ZNF469: variants seen among roughly 807,000 people sequenced by gnomAD.
ZNF469 encodes zinc finger protein 469.
A neutral mutation model predicts 1.0 loss-of-function variants in ZNF469; 1 was observed. The observed-to-expected ratio is 1.00, with a 90% CI of 0.35 to 4.73. The LOEUF (loss-of-function observed/expected upper bound fraction) is 4.73, where lower values mean the gene tolerates loss of function less well. ZNF469 is among the 30% of genes most tolerant of loss of function. The pLI, the probability that ZNF469 is intolerant of heterozygous loss-of-function variation, is 0.16. For missense variants in ZNF469, 6,100 were observed against 5,356.3 expected, an observed-to-expected ratio of 1.14 and a Z score of -4.33; for synonymous variants, 2,703 against 2,363.4, an observed-to-expected ratio of 1.14 and a Z score of -4.17.
At chr16:88,276,686 G>A in the ZNF469 span, 1 of 152,232 alleles carries the variant, frequency 6.6e-6, no homozygotes, top group African/African-American at 2.4e-5. Flanking sequence ...GCACGAGTTA[G>A]TACTGGAATC....
At chr16:88,220,655 T>G in the ZNF469 span, among the ~76,000 whole-genome samples, 1 of 152,056 alleles carries the variant, frequency 6.6e-6, no homozygotes, top group Non-Finnish European at 1.5e-5. Context: ...CTGAGGAAGA[T>G]GAGGGAGAGG....
chr16:88,321,751 A>C, the ZNF469 span, among the ~76,000 whole-genome samples: 1 of 152,274 alleles, frequency 6.6e-6, no homozygotes, highest in South Asian at 2.1e-4. Context: ...TCTGCACATG[A>C]GGCCTCACCT....
the ZNF469 span, among the ~76,000 whole-genome samples, chr16:88,140,068 A>G: frequency 1.3e-5 from 2 of 152,232 alleles, no homozygotes; most frequent in East Asian, 3.8e-4. Context: ...CAGACAGGGA[A>G]TAATTGAACA....
chr16:88,195,723 G>A, the ZNF469 span, among the ~76,000 whole-genome samples: 1 of 152,234 alleles, frequency 6.6e-6, no homozygotes, highest in South Asian at 2.1e-4. Flanking sequence ...ACCTCGGGGT[G>A]TCCCGAGATG....
rs1156927205 is a variant in ZNF469 at position 88,434,250 on chromosome 16, G to C, written c.6780G>C (p.Lys2260Asn). 1 of 1,550,348 alleles carries C rather than the reference G, an allele frequency of 6.5e-7. No individual in the cohort carries two copies. The highest frequency in any genetic ancestry group is 8.7e-7 in the Non-Finnish European group (1 of 1,146,964). The change falls in exon 3 of 3, where the codon AAG becomes AAC. Residue 2260 changes from lysine (K) to asparagine (N), a missense_variant. Physicochemically the swap from Lys to Asn is moderately conservative, Grantham distance 94. Transcript: ENST00000565624. Reference sequence around the variant, plus strand: ...TTCCAGAGGATTCCAGAAAAGAGAAGCTGTGGGAGTCTCCTGGCCGAGCCA... The same window carrying C: ...TTCCAGAGGATTCCAGAAAAGAGAACCTGTGGGAGTCTCCTGGCCGAGCCA... ...LRIPEDSRKE[K>N]LWESPGRATS...
chr16:88,240,997 C>T, the ZNF469 span, among the ~76,000 whole-genome samples: 17 of 152,250 alleles, frequency 1.1e-4, no homozygotes, highest in Middle Eastern at 3.4e-3. Flanking sequence ...CCAGGAGGGC[C>T]GCCCACACCA....
At chr16:88,281,967 G>A in the ZNF469 span, among the ~76,000 whole-genome samples, 6 of 152,330 alleles carry the variant, frequency 3.9e-5, no homozygotes, top group East Asian at 3.9e-4. Context: ...TGTTGAGCAC[G>A]AGTTCATATC....
In ZNF469 at chr16:88,427,438, G is replaced by A. The variant is rs1195367692; in HGVS notation, c.-33G>A. On this transcript the variant is annotated 5_prime_UTR_variant, in exon 3 of 3. Transcript: ENST00000565624. ...CACTCCCCAGGGCCCCCCTCGGACA[G>A]CTGCGTCGTCCTAGCGCCAGGACGG... 2.7e-6 allele frequency: 4 copies of A among 1,457,018 alleles called. No homozygotes were observed. Among genetic ancestry groups the A allele is most frequent in the Non-Finnish European group, 3.6e-6 (4 of 1,106,798 alleles). The allele number at this position is 1,457,018 out of a possible 1,614,324, so 90.3% of individuals were successfully genotyped here.
chr16:88,436,176 G>C lies in ZNF469; in HGVS notation c.8706G>C (p.Thr2902=). 1 of 1,547,550 alleles carries C rather than the reference G, an allele frequency of 6.5e-7. No individual in the cohort carries two copies. Among genetic ancestry groups the C allele is most frequent in the Non-Finnish European group, 8.7e-7 (1 of 1,146,938 alleles). The change falls in exon 3 of 3, where the codon ACG becomes ACC. Residue 2902 remains threonine (T), a synonymous_variant. Coordinates refer to ENST00000565624, the MANE Select transcript of ZNF469 (RefSeq NM_001367624.2). The stretch of plus-strand genomic sequence containing the variant: ...GCTTTGAGGAGGGCGGTGACCCCAC[G>C]CTGGGCCCAGCCCGCCTGCCCACGG... The part of the protein sequence containing the change: ...QPSFEEGGDP[T]LGPARLPTDL...
At chr16:88,184,263 G>T in the ZNF469 span, among the ~76,000 whole-genome samples, 1 of 152,126 alleles carries the variant, frequency 6.6e-6, no homozygotes, top group East Asian at 1.9e-4. Flanking sequence ...CGGCAGCTTG[G>T]CACCCAGCCT....
At chr16:88,192,547 G>A in the ZNF469 span, among the ~76,000 whole-genome samples, 116,255 of 150,326 alleles carry the variant, frequency 0.77, 44,613 homozygotes, top group East Asian at 0.88. Context: ...CTTCTCAGGA[G>A]CAAGAGACAA....
chr16:88,374,744 G>C, the ZNF469 span, among the ~76,000 whole-genome samples: 2,398 of 152,184 alleles, frequency 0.016, 87 homozygotes, highest in African/African-American at 0.055. Context: ...GCTCGGCGCC[G>C]TGTGCTGTGG....
the ZNF469 span, among the ~76,000 whole-genome samples, chr16:88,345,575 G>C: frequency 6.6e-6 from 1 of 152,024 alleles, no homozygotes; most frequent in South Asian, 2.1e-4. Context: ...GCCTCTGCAG[G>C]CTGGCATGGC....
chr16:88,186,930 G>T, the ZNF469 span, among the ~76,000 whole-genome samples: 1 of 151,976 alleles, frequency 6.6e-6, no homozygotes, highest in Non-Finnish European at 1.5e-5. Flanking sequence ...CACTGGACCC[G>T]GGACGCTCAA....
chr16:88,245,745 G>A, the ZNF469 span, among the ~76,000 whole-genome samples: 273 of 152,400 alleles, frequency 1.8e-3, no homozygotes, highest in Non-Finnish European at 3.0e-3. Context: ...ACGGTGGGCA[G>A]GGTTTGTTTA....
the ZNF469 span, among the ~76,000 whole-genome samples, chr16:88,136,662 C>T: frequency 2.6e-5 from 4 of 152,248 alleles, no homozygotes; most frequent in Admixed American, 6.5e-5. Context: ...GGAGCCTGAA[C>T]GATGGACGTC....
chr16:88,438,804 G>A lies in ZNF469; in HGVS notation c.11334G>A (p.Glu3778=). 6.5e-7 allele frequency: 1 copy of A among 1,550,302 alleles called. No homozygotes were observed. Among genetic ancestry groups the A allele is most frequent in the Non-Finnish European group, 8.7e-7 (1 of 1,146,940 alleles). Residue 3778 remains glutamate (E), a synonymous_variant, in exon 3 of 3, where the codon GAG becomes GAA. Transcript: ENST00000565624. ...TCCCCAGCCGGAGCCCTGCACCAGA[G>A]AGGCTCCCCGCTCGAGCCCAAGCCA... ...PSFPSRSPAP[E]RLPARAQAKS...
At chr16:88,313,688 G>A in the ZNF469 span, among the ~76,000 whole-genome samples, 2 of 152,228 alleles carry the variant, frequency 1.3e-5, no homozygotes, top group Admixed American at 1.3e-4. Context: ...CAATGCTGGT[G>A]TAGACTGTCA....
the ZNF469 span, among the ~76,000 whole-genome samples, chr16:88,377,170 G>A: frequency 1.3e-5 from 2 of 152,226 alleles, no homozygotes; most frequent in East Asian, 3.8e-4. Context: ...CTTCCCAATG[G>A]GGCAGGGGCA....
Sources: gnomAD v4.1 joint callset for allele counts (sites outside exome capture counted in the v4.1 genomes callset) on GRCh38, gnomAD v4.1.1 for gene constraint, MANE v1.5 for transcripts, NCBI Gene and HGNC (gene_info 2026-07-23, HGNC 2026-07-21) for gene names.